GRIK1: variants seen among roughly 807,000 people sequenced by gnomAD.
The protein encoded by GRIK1 is glutamate receptor ionotropic, kainate 1.
GRIK1 carries 69 observed loss-of-function variants against 105.7 expected under a neutral mutation model. That is an observed-to-expected ratio of 0.65 (90% CI 0.54 to 0.80). The LOEUF is 0.80. Among genes scored for constraint, GRIK1 ranks in the 30% least tolerant of loss-of-function variants. The probability of loss-of-function intolerance (pLI) is 0.00; values close to 1 mark genes in which losing one functional copy is unlikely to be tolerated. For synonymous variants in GRIK1, 438 were observed against 431.3 expected (o/e 1.02, Z -0.19); for missense variants, 1,109 against 1,167.3 (o/e 0.95, Z 0.73).
intron 3 of GRIK1, among the ~76,000 whole-genome samples, chr21:29,675,819 C>T (rs1257308159): frequency 1.3e-5 from 2 of 152,218 alleles, no homozygotes; most frequent in African/African-American, 4.8e-5. Context: ...AGTGGCAGAA[C>T]CCGGGATTAA....
intron 1 of GRIK1, among the ~76,000 whole-genome samples, chr21:29,848,779 A>ATTTTTTTTTTT (rs1555898508): frequency 2.6e-5 from 2 of 77,862 alleles, no homozygotes; most frequent in African/African-American, 5.8e-5. Context: ...ATATATATAT[A>ATTTTTTTTTTT]TTTTTTTTTT....
chr21:29,774,727 G>C (rs1030245790), intron 1 of GRIK1, among the ~76,000 whole-genome samples: 2 of 151,958 alleles, frequency 1.3e-5, no homozygotes, highest in Non-Finnish European at 1.5e-5. Context: ...TGGGATTACA[G>C]GCGTGAGCCA....
chr21:29,794,475 C>T (rs547200398), intron 1 of GRIK1, among the ~76,000 whole-genome samples: 2 of 152,266 alleles, frequency 1.3e-5, no homozygotes, highest in East Asian at 1.9e-4. Flanking sequence ...TTTGGGTTTA[C>T]AGTCAGCTAT....
intron 7 of GRIK1, among the ~76,000 whole-genome samples, chr21:29,601,602 C>T (rs890302525): frequency 6.6e-6 from 1 of 152,234 alleles, no homozygotes; most frequent in African/African-American, 2.4e-5. Context: ...AGCCTCCACT[C>T]AGCCTCTCCA....
intron 1 of GRIK1, among the ~76,000 whole-genome samples, chr21:29,890,350 G>C (rs1479883385): frequency 6.6e-6 from 1 of 152,004 alleles, no homozygotes; most frequent in Non-Finnish European, 1.5e-5. Flanking sequence ...TTTCTTAAAG[G>C]ATTTTTGGCA....
At chr21:29,615,600 C>T (rs572249059) in intron 7 of GRIK1, among the ~76,000 whole-genome samples, 8 of 152,298 alleles carry the variant, frequency 5.3e-5, no homozygotes, top group South Asian at 2.1e-4. Flanking sequence ...TGAGCCACGG[C>T]GCCTGGCCCC....
chr21:29,819,558 T>G (rs189779028), intron 1 of GRIK1, among the ~76,000 whole-genome samples: 1 of 152,128 alleles, frequency 6.6e-6, no homozygotes, highest in Non-Finnish European at 1.5e-5. Context: ...ATATTTCAAG[T>G]TCACTGTTGA....
intron 1 of GRIK1, among the ~76,000 whole-genome samples, chr21:29,773,069 G>C (rs2065853284): frequency 6.6e-6 from 1 of 152,200 alleles, no homozygotes; most frequent in African/African-American, 2.4e-5. Flanking sequence ...GTAACTTATA[G>C]ATGGGTGCAA....
At chr21:29,557,269 G>A (rs1034173446) in intron 15 of GRIK1, among the ~76,000 whole-genome samples, 2 of 152,162 alleles carry the variant, frequency 1.3e-5, no homozygotes, top group Non-Finnish European at 2.9e-5. Context: ...CTTGGTGGAA[G>A]CACATTGATA....
intron 1 of GRIK1, among the ~76,000 whole-genome samples, chr21:29,745,337 A>T (rs1254921393): frequency 6.6e-6 from 1 of 152,194 alleles, no homozygotes; most frequent in Non-Finnish European, 1.5e-5. Flanking sequence ...ACTCTTGTGT[A>T]TGATTGTAGC....
intron 1 of GRIK1, among the ~76,000 whole-genome samples, chr21:29,915,470 T>A (rs969839206): frequency 9.2e-5 from 14 of 152,056 alleles, no homozygotes; most frequent in African/African-American, 3.4e-4. Context: ...AACGCTTTAG[T>A]ATATTTTCAC....
chr21:29,572,237 T>C (rs1308895190), intron 14 of GRIK1, among the ~76,000 whole-genome samples: 1 of 152,172 alleles, frequency 6.6e-6, no homozygotes, highest in African/African-American at 2.4e-5. Context: ...TGACGCTTTC[T>C]GACAGCTTAC....
At chr21:29,598,105 G>C (rs529688053) in intron 8 of GRIK1, among the ~76,000 whole-genome samples, 3 of 152,112 alleles carry the variant, frequency 2.0e-5, no homozygotes, top group Non-Finnish European at 4.4e-5. Flanking sequence ...TCTTCAAACT[G>C]TAAGTGTTAA....
At chr21:29,825,090 T>A (rs958095115) in intron 1 of GRIK1, among the ~76,000 whole-genome samples, 4 of 152,112 alleles carry the variant, frequency 2.6e-5, no homozygotes, top group African/African-American at 9.7e-5. Flanking sequence ...CCAGAGACAC[T>A]TATCATTTAA....
chr21:29,875,213 A>G (rs1022883294), intron 1 of GRIK1, among the ~76,000 whole-genome samples: 1 of 151,998 alleles, frequency 6.6e-6, no homozygotes, highest in African/African-American at 2.4e-5. Context: ...TGTCTCTGTA[A>G]TTGGCCCAAG....
intron 1 of GRIK1, among the ~76,000 whole-genome samples, chr21:29,809,999 C>G (rs913332524): frequency 5.9e-5 from 9 of 152,038 alleles, no homozygotes; most frequent in African/African-American, 2.2e-4. Flanking sequence ...ACAGTAACAT[C>G]AAAGATTACT....
intron 1 of GRIK1, among the ~76,000 whole-genome samples, chr21:29,743,277 A>G (rs2064973129): frequency 6.6e-6 from 1 of 152,202 alleles, no homozygotes; most frequent in Admixed American, 6.5e-5. Flanking sequence ...AAAAATTTCA[A>G]AATAAAATGT....
intron 1 of GRIK1, among the ~76,000 whole-genome samples, chr21:29,828,508 A>G (rs2145953525): frequency 6.6e-6 from 1 of 151,984 alleles, no homozygotes; most frequent in African/African-American, 2.4e-5. Flanking sequence ...TCTTTTTATT[A>G]TTTGTTTGTT....
intron 1 of GRIK1, among the ~76,000 whole-genome samples, chr21:29,757,360 G>A (rs561007747): frequency 8.5e-5 from 13 of 152,242 alleles, no homozygotes; most frequent in African/African-American, 3.1e-4. Flanking sequence ...TTGGTAAACA[G>A]CATACATATT....
Sources: allele counts gnomAD v4.1 joint callset (sites outside exome capture counted in the v4.1 genomes callset), GRCh38; gene constraint gnomAD v4.1.1; transcripts MANE v1.5; gene names NCBI Gene and HGNC (gene_info 2026-07-23, HGNC 2026-07-21).